Variants in SLC18A1 observed in about 807,000 individuals in gnomAD.
SLC18A1 encodes the protein solute carrier family 18 member A1.
SLC18A1 carries 69 observed loss-of-function variants against 53.7 expected under a neutral mutation model. That is an observed-to-expected ratio of 1.28 (90% CI 1.06 to 1.57). The LOEUF (loss-of-function observed/expected upper bound fraction) is 1.57. Among genes scored for constraint, SLC18A1 ranks in the 40% most tolerant of loss-of-function variants. The pLI is 0.00. For missense variants in SLC18A1, 932 were observed against 668.1 expected, an observed-to-expected ratio of 1.40 and a Z score of -4.35; for synonymous variants, 320 against 248.1, an observed-to-expected ratio of 1.29 and a Z score of -2.72.
At chr8:20,165,901 G>T (rs1288667281) in intron 8 of SLC18A1, among the ~76,000 whole-genome samples, 1 of 152,028 alleles carries the variant, frequency 6.6e-6, no homozygotes, top group Admixed American at 6.6e-5. Flanking sequence ...ATCCTTCATG[G>T]TGTTTACTAC....
chr8:20,177,688 T>A (rs2072285171), intron 4 of SLC18A1, among the ~76,000 whole-genome samples: 1 of 152,164 alleles, frequency 6.6e-6, no homozygotes, highest in Non-Finnish European at 1.5e-5. Flanking sequence ...GGAGGTGTGT[T>A]GTTGGAGAGC....
At chr8:20,178,826 T>C (rs2072325161) in intron 3 of SLC18A1, among the ~76,000 whole-genome samples, 1 of 152,210 alleles carries the variant, frequency 6.6e-6, no homozygotes, top group African/African-American at 2.4e-5. Flanking sequence ...GTCCCATTCA[T>C]ACCCTTTTCC....
intron 4 of SLC18A1, among the ~76,000 whole-genome samples, chr8:20,178,154 C>CT (rs2072299372): frequency 1.9e-5 from 2 of 102,848 alleles, no homozygotes; most frequent in Admixed American, 1.9e-4. Flanking sequence ...ACACACACCC[C>CT]GTAGCATACA....
intron 4 of SLC18A1, 128 bp downstream of exon 4, chr8:20,178,307 C>A (rs928511157): frequency 5.2e-5 from 36 of 697,788 alleles, no homozygotes; most frequent in African/African-American, 4.7e-4. Flanking sequence ...AGCATTTAAA[C>A]CAATATTCCA....
intron 10 of SLC18A1, among the ~76,000 whole-genome samples, chr8:20,161,490 G>A (rs772837321): frequency 4.6e-5 from 7 of 152,320 alleles, no homozygotes; most frequent in Admixed American, 1.3e-4. Context: ...ATGGAAGTAC[G>A]TGTGTAGATT....
chr8:20,162,386 C>T (rs180761032), intron 10 of SLC18A1, among the ~76,000 whole-genome samples: 33 of 152,306 alleles, frequency 2.2e-4, no homozygotes, highest in Admixed American at 1.9e-3. Flanking sequence ...CCTAAAGATG[C>T]CTTTTCTTTC....
chr8:20,151,153 T>TG (rs1563725702), intron 10 of SLC18A1, among the ~76,000 whole-genome samples: 15 of 126,752 alleles, frequency 1.2e-4, no homozygotes, highest in East Asian at 1.1e-3. Flanking sequence ...TTTTGTTTTT[T>TG]TTTTGTTTGT....
intron 6 of SLC18A1, among the ~76,000 whole-genome samples, chr8:20,172,418 A>C (rs2072146739): frequency 6.6e-6 from 1 of 152,218 alleles, no homozygotes; most frequent in Non-Finnish European, 1.5e-5. Flanking sequence ...AGAGGGCAGG[A>C]ACTATGCCTG....
At chr8:20,166,358 A>T in intron 8 of SLC18A1, among the ~76,000 whole-genome samples, 1 of 141,786 alleles carries the variant, frequency 7.1e-6, no homozygotes, top group Non-Finnish European at 1.5e-5. Flanking sequence ...ATAATAAGGA[A>T]AGATTCTGTG....
chr8:20,160,910 C>A (rs1203370339), intron 10 of SLC18A1, among the ~76,000 whole-genome samples: 1 of 151,986 alleles, frequency 6.6e-6, no homozygotes, highest in African/African-American at 2.4e-5. Context: ...GGCCAAACTC[C>A]CCCCTTTTGT....
At position 20,168,966 on chromosome 8, in the gene SLC18A1, G is replaced by A. The variant is rs559620224; in HGVS notation, c.858+2137C>T. On this transcript the variant is annotated intron_variant, in intron 8 of 15. Transcript: ENST00000276373. ...ATGGATAACAAATCTAGGCAGAAAGGAAATTTAAGGAGGAGTAGGAGATTT... is the reference window on the plus strand; with the variant it reads ...ATGGATAACAAATCTAGGCAGAAAGAAAATTTAAGGAGGAGTAGGAGATTT... Among the ~76,000 whole-genome samples the A allele has an allele frequency of 6.6e-5, 10 of 152,250 alleles. No homozygotes were observed. The South Asian group carries it at 2.1e-3, about 32-fold the overall frequency.
At chr8:20,177,410 A>C (rs1394797283) in intron 4 of SLC18A1, among the ~76,000 whole-genome samples, 1 of 152,210 alleles carries the variant, frequency 6.6e-6, no homozygotes, top group African/African-American at 2.4e-5. Flanking sequence ...AATGAGAGGC[A>C]TGTTCTCACT....
chr8:20,156,219 T>G (rs911097019), intron 10 of SLC18A1, among the ~76,000 whole-genome samples: 3 of 150,702 alleles, frequency 2.0e-5, no homozygotes, highest in Non-Finnish European at 4.4e-5. Flanking sequence ...GGAAACCTCA[T>G]TGTGAGCACA....
At chr8:20,168,064 C>A (rs2072014865) in intron 8 of SLC18A1, among the ~76,000 whole-genome samples, 1 of 152,022 alleles carries the variant, frequency 6.6e-6, no homozygotes, top group Non-Finnish European at 1.5e-5. Flanking sequence ...ACTCAAAAAA[C>A]AATGAAGGTA....
chr8:20,151,555 AG>A (rs1365271092), intron 10 of SLC18A1, among the ~76,000 whole-genome samples: 1 of 152,186 alleles, frequency 6.6e-6, no homozygotes, highest in Non-Finnish European at 1.5e-5. Flanking sequence ...ATCTGGAAAA[AG>A]CAAAGCTATG....
intron 8 of SLC18A1, among the ~76,000 whole-genome samples, chr8:20,168,302 G>A (rs968751390): frequency 6.6e-6 from 1 of 151,844 alleles, no homozygotes; most frequent in Non-Finnish European, 1.5e-5. Flanking sequence ...AAGAGTTGGA[G>A]GCTACAGTGA....
intron 10 of SLC18A1, among the ~76,000 whole-genome samples, chr8:20,156,112 A>C (rs545496863): frequency 6.6e-6 from 1 of 152,388 alleles, no homozygotes; most frequent in Admixed American, 6.5e-5. Flanking sequence ...ATCAGTATCA[A>C]AGTGAATTGA....
At position 20,171,093 on chromosome 8, in the gene SLC18A1, G is replaced by A. The variant is rs1220549456; in HGVS notation, c.858+10C>T. ...ATAACTGTTAGAAATGGAGCTTTGTGTCTGCTTACCTCAGGAGAGACTTTG... is the reference window on the plus strand; with the variant it reads ...ATAACTGTTAGAAATGGAGCTTTGTATCTGCTTACCTCAGGAGAGACTTTG... On this transcript the variant is annotated intron_variant, in intron 8 of 15. Coordinates refer to ENST00000276373, the MANE Select transcript of SLC18A1 (RefSeq NM_003053.4). 3.1e-6 allele frequency: 5 copies of A among 1,613,782 alleles called. No homozygotes were observed. The highest frequency in any genetic ancestry group is 1.7e-5 in the Admixed American group (1 of 59,982).
chr8:20,159,655 AAAAAAAAAG>A (rs1273412277), intron 10 of SLC18A1, among the ~76,000 whole-genome samples: 4 of 149,982 alleles, frequency 2.7e-5, no homozygotes, highest in Admixed American at 6.6e-5. Flanking sequence ...AAAAAAAAAA[AAAAAAAAAG>A]AAAGAAAAAG....
Sources: gnomAD v4.1 joint callset for allele counts (sites outside exome capture counted in the v4.1 genomes callset) on GRCh38, gnomAD v4.1.1 for gene constraint, MANE v1.5 for transcripts, NCBI Gene and HGNC (gene_info 2026-07-23, HGNC 2026-07-21) for gene names.